The following SYNE2 variants were observed in gnomAD, a reference collection of about 807,000 sequenced individuals.
SYNE2 encodes spectrin repeat containing nuclear envelope protein 2, also known as nesprin-2.
In SYNE2, 431 loss-of-function variants were observed where a neutral mutation model predicts 856.3. The ratio of observed to expected loss-of-function variants is 0.50; its 90% CI spans 0.47 to 0.55. The LOEUF (loss-of-function observed/expected upper bound fraction) is 0.55. Among genes scored for constraint, SYNE2 ranks in the 20% least tolerant of loss-of-function variants. The pLI, the probability that SYNE2 is intolerant of heterozygous loss-of-function variation, is 0.00. For missense variants in SYNE2, 8,129 were observed against 8,023.2 expected (o/e 1.01, Z -0.50); for synonymous variants, 2,923 against 2,872.3 (o/e 1.02, Z -0.56).
chr14:63,992,666 C>T (rs910776184), intron 21 of SYNE2, among the ~76,000 whole-genome samples: 9 of 152,118 alleles, frequency 5.9e-5, no homozygotes, highest in Non-Finnish European at 1.2e-4. Flanking sequence ...TTGGTTTTCC[C>T]CCATTTTGCC....
At chr14:64,083,796 ATACCCTTC>A (rs1379677914) in intron 57 of SYNE2, among the ~76,000 whole-genome samples, 1 of 152,242 alleles carries the variant, frequency 6.6e-6, no homozygotes, top group Non-Finnish European at 1.5e-5. Context: ...TAATTGCACT[ATACCCTTC>A]TACCTGGATT....
chr14:64,032,119 G>C (rs1054711560), intron 45 of SYNE2, among the ~76,000 whole-genome samples: 1 of 152,166 alleles, frequency 6.6e-6, no homozygotes, highest in Non-Finnish European at 1.5e-5. Context: ...GGAATAAAGA[G>C]AACATGCACT....
chr14:64,044,418 G>A (rs954152049), intron 45 of SYNE2, among the ~76,000 whole-genome samples: 1 of 152,174 alleles, frequency 6.6e-6, no homozygotes, highest in Admixed American at 6.5e-5. Context: ...TAGGCAAAGG[G>A]ACTTGCTTTG....
At chr14:64,003,426 C>T in intron 30 of SYNE2, 96 bp downstream of exon 30, 6 of 1,465,862 alleles carry the variant, frequency 4.1e-6, no homozygotes, top group Non-Finnish European at 5.7e-6. Flanking sequence ...TGTCTTTCTG[C>T]TTCTATTCCA....
At chr14:64,219,133 T>G in intron 109 of SYNE2, 75 bp from the exon 110 acceptor site, 13 of 845,432 alleles carry the variant, frequency 1.5e-5, no homozygotes, top group Non-Finnish European at 2.5e-5. Context: ...TTAACCACCC[T>G]GACCCCTAAT....
At chr14:63,792,894 G>T (rs2139772213) in intron 1 of SYNE2, among the ~76,000 whole-genome samples, 1 of 152,154 alleles carries the variant, frequency 6.6e-6, no homozygotes, top group Middle Eastern at 3.4e-3. Flanking sequence ...GCCCAGGCTG[G>T]TCTTGAACTC....
intron 58 of SYNE2, among the ~76,000 whole-genome samples, chr14:64,088,356 G>A (rs1369058405): frequency 6.6e-6 from 1 of 152,172 alleles, no homozygotes; most frequent in African/African-American, 2.4e-5. Flanking sequence ...TCCAGAAGTG[G>A]TCTGTTTTAA....
intron 1 of SYNE2, among the ~76,000 whole-genome samples, chr14:63,891,678 G>A (rs1566726690): frequency 6.6e-6 from 1 of 151,924 alleles, no homozygotes; most frequent in Non-Finnish European, 1.5e-5. Flanking sequence ...AATCATATAT[G>A]TATATATATG....
Position 64,219,104 on chromosome 14 carries a change from G to GTTTTTTTTTTTTT in SYNE2, c.19658-96_19658-84dup, listed in dbSNP as rs528002229. On this transcript the variant is annotated intron_variant, in intron 109 of 115. Transcript: ENST00000555002. Reference sequence around the variant, plus strand: ...CAGGGGAATCCCCTACAGTTTTTTTGTTTTTTTTTTTTTTTTTTTTAACCA... The same window carrying GTTTTTTTTTTTTT: ...CAGGGGAATCCCCTACAGTTTTTTTGTTTTTTTTTTTTTTTTTTTTTTTTTTTTTTTTTAACCA... 9.6e-4 allele frequency: 393 copies of GTTTTTTTTTTTTT among 408,948 alleles called. 41 individuals carry two copies. Among genetic ancestry groups the GTTTTTTTTTTTTT allele is most frequent in the East Asian group, 3.4e-3 (58 of 17,256 alleles). 25.3% of individuals were successfully genotyped at this position (408,948 alleles called of 1,614,324 possible).
chr14:63,991,065 C>A lies in SYNE2; in HGVS notation c.2596C>A (p.Gln866Lys). The A allele has an allele frequency of 1.9e-6, 3 of 1,614,074 alleles. No homozygotes were observed. The highest frequency in any genetic ancestry group is 2.5e-6 in the Non-Finnish European group (3 of 1,179,984). ...TGAATCATATATGATGAGGGCTCAG[C>A]AGTTACTGGGGCAAAGAGAGAGCCC... ...ELESYMMRAQ[Q>K]LLGQRESPGE... The change falls in exon 21 of 116, where the codon CAG becomes AAG. Residue 866 changes from glutamine to lysine, a missense_variant. Physicochemically the swap from Gln to Lys is moderately conservative, Grantham distance 53 (BLOSUM62 1). This residue lies in a region of SYNE2 where 2,422 missense variants were observed against 2,357.4 expected (regional missense o/e 1.03). Coordinates refer to ENST00000555002, the MANE Select transcript of SYNE2 (RefSeq NM_182914.3).
chr14:63,857,568 A>G (rs1430625168), intron 1 of SYNE2, among the ~76,000 whole-genome samples: 1 of 152,208 alleles, frequency 6.6e-6, no homozygotes, highest in Non-Finnish European at 1.5e-5. Context: ...AAGTGGTTAT[A>G]TAATATAACC....
At chr14:64,122,265 C>T (rs2097903968) in intron 69 of SYNE2, 21 bp from the exon 70 acceptor site, 5 of 1,614,146 alleles carry the variant, frequency 3.1e-6, no homozygotes, top group African/African-American at 1.3e-5. Context: ...ATTCTCTTCA[C>T]CTTTTGTTCT....
chr14:64,178,124 C>T (rs902648106), intron 96 of SYNE2, among the ~76,000 whole-genome samples: 2 of 152,140 alleles, frequency 1.3e-5, no homozygotes, highest in African/African-American at 2.4e-5. Context: ...TAATTTTTTT[C>T]TTCCTTCAGT....
rs140264368 is a variant in SYNE2, at chr14:63,964,030, AT to A, written c.990+33del. On this transcript the variant is annotated intron_variant, in intron 10 of 115. Transcript: ENST00000555002. Reference sequence around the variant, plus strand: ...GTATGATTTTAAACAGCTGTTTGTAATTTACCTTTTAAGAGTTGAGCGTAAG... The same window carrying A: ...GTATGATTTTAAACAGCTGTTTGTAATTACCTTTTAAGAGTTGAGCGTAAG... 487 of 1,354,688 alleles carry A rather than the reference AT, an allele frequency of 3.6e-4. 2 individuals are homozygous for A. The East Asian group carries it at 0.011, about 31-fold the overall frequency. 83.9% of individuals were successfully genotyped at this position (1,354,688 alleles called of 1,614,324 possible).
intron 1 of SYNE2, among the ~76,000 whole-genome samples, chr14:63,895,590 CAAA>C (rs34613830): frequency 7.9e-5 from 7 of 88,408 alleles, no homozygotes; most frequent in Non-Finnish European, 9.2e-5. Flanking sequence ...CTGTCTCTAT[CAAA>C]AAAAAAAAAA....
chr14:63,785,787 G>A (rs925499191), intron 1 of SYNE2, among the ~76,000 whole-genome samples: 3 of 152,070 alleles, frequency 2.0e-5, no homozygotes, highest in Admixed American at 6.6e-5. Flanking sequence ...TTGGTTTAAA[G>A]ACTCAAGTGA....
intron 13 of SYNE2, 79 bp downstream of exon 13, chr14:63,978,096 A>G (rs892832267): frequency 2.1e-6 from 2 of 931,564 alleles, no homozygotes; most frequent in Non-Finnish European, 3.5e-6. Flanking sequence ...ACCACAAAAT[A>G]CAGATTTTTA....
intron 56 of SYNE2, 93 bp from the exon 57 acceptor site, chr14:64,081,349 AC>A (rs35008238): frequency 1.3e-6 from 2 of 1,521,524 alleles, no homozygotes; most frequent in Non-Finnish European, 1.8e-6. Context: ...GGCCTGACAC[AC>A]CCCTGACTAA....
intron 19 of SYNE2, among the ~76,000 whole-genome samples, chr14:63,989,148 T>A (rs376489609): frequency 1.1e-4 from 17 of 152,206 alleles, no homozygotes; most frequent in African/African-American, 3.4e-4. Flanking sequence ...TTGGCATTTT[T>A]AAAATTGAAT....
Sources: allele counts gnomAD v4.1 joint callset (sites outside exome capture counted in the v4.1 genomes callset), GRCh38; gene constraint gnomAD v4.1.1; regional missense constraint gnomAD v4.1.1; transcripts MANE v1.5; gene names NCBI Gene and HGNC (gene_info 2026-07-23, HGNC 2026-07-21).